The following CYBA variants were observed in gnomAD, a reference collection of about 807,000 sequenced individuals.
CYBA encodes the protein cytochrome b-245 light chain.
CYBA carries 21 observed loss-of-function variants against 20.8 expected under a neutral mutation model. The observed-to-expected ratio is 1.01, with a 90% CI of 0.72 to 1.46. The LOEUF (loss-of-function observed/expected upper bound fraction) is 1.46. CYBA is among the 40% of genes most tolerant of loss of function. CYBA has a pLI of 0.00. For synonymous variants in CYBA, 164 were observed against 127.5 expected, an observed-to-expected ratio of 1.29 and a Z score of -1.93; for missense variants, 344 against 287.0, an observed-to-expected ratio of 1.20 and a Z score of -1.43.
intron 1 of CYBA, chr16:88,650,607 CG>C: frequency 3.9e-6 from 2 of 516,014 alleles, no homozygotes; most frequent in Admixed American, 2.6e-5. Context: ...AGCCCCCACT[CG>C]GGGGCTTCGG....
At position 88,643,737 on chromosome 16, in the gene CYBA, C is replaced by T. The variant is rs548076989; in HGVS notation, c.370-166G>A. On this transcript the variant is annotated intron_variant, in intron 5 of 5. Transcript: ENST00000261623. The surrounding 1 kb of genome is among the most constrained non-coding windows in gnomAD (Gnocchi z 4.3). The stretch of plus-strand genomic sequence containing the variant: ...AGAGGTTAAGTGACGCGCCCGAGGC[C>T]ACACAGCCAGGACCTGGGTCGGCCT... Among the ~76,000 whole-genome samples the T allele has an allele frequency of 6.0e-4, 91 of 152,338 alleles. No individual in the cohort carries two copies. The highest frequency in any genetic ancestry group is 2.0e-3 in the African/African-American group (84 of 41,574).
intron 2 of CYBA, chr16:88,647,594 G>T: frequency 2.7e-6 from 1 of 364,010 alleles, no homozygotes; most frequent in Non-Finnish European, 5.3e-6. Context: ...AGCCACGGGA[G>T]GTTCCAACAG....
intron 1 of CYBA, chr16:88,650,555 G>A: frequency 2.0e-6 from 1 of 492,452 alleles, no homozygotes; most frequent in Non-Finnish European, 4.0e-6. Flanking sequence ...AGGCCAGCTG[G>A]CTACCGAGGG....
At chr16:88,646,446 C>A (rs892885182) in intron 4 of CYBA, 7 of 691,528 alleles carry the variant, frequency 1.0e-5, no homozygotes, top group Non-Finnish European at 1.6e-5. Flanking sequence ...CGGCAGTAAC[C>A]AGCAGACACA....
intron 1 of CYBA, 30 bp downstream of exon 1, chr16:88,650,926 C>T: frequency 6.4e-7 from 1 of 1,573,988 alleles, no homozygotes; most frequent in Non-Finnish European, 8.6e-7. Flanking sequence ...CTCCAGGCTG[C>T]AGCCTCCACC....
Position 88,647,786 on chromosome 16 carries a change from G to A in CYBA, c.128+259C>T, listed in dbSNP as rs1049711382. 14 of 576,820 alleles carry A rather than the reference G, an allele frequency of 2.4e-5. No individual in the cohort carries two copies. The East Asian group carries it at 3.8e-4, about 16-fold the overall frequency. 35.7% of individuals were successfully genotyped at this position (576,820 alleles called of 1,614,324 possible). ...AGCAGTCCAACAGGGAGGCCTCAGT[G>A]CTGGCCCTGGCCCTCTGGTGACACC... On this transcript the variant is annotated intron_variant, in intron 2 of 5. Transcript: ENST00000261623.
Position 88,646,808 on chromosome 16 carries a change from C to T in CYBA, c.234G>A (p.Lys78=). 1 of 1,613,998 alleles carries T rather than the reference C, an allele frequency of 6.2e-7. No homozygotes were observed. Among genetic ancestry groups the T allele is most frequent in the Non-Finnish European group, 8.5e-7 (1 of 1,179,980 alleles). The change falls in exon 4 of 6, where the codon AAG becomes AAA. Residue 78 remains lysine (K), a synonymous_variant. Coordinates refer to ENST00000261623, the MANE Select transcript of CYBA (RefSeq NM_000101.4). ...WGQKYMTAVV[K]LFGPFTRNYY... ...AATTCCTGGTAAAGGGCCCGAACAG[C>T]TTCACCACGGCGGTCATGTACTTCT...
At chr16:88,650,808 G>A (rs1263216358) in intron 1 of CYBA, 148 bp downstream of exon 1, 2 of 808,534 alleles carry the variant, frequency 2.5e-6, no homozygotes, top group South Asian at 1.5e-5. Flanking sequence ...TCCCGCCCCC[G>A]TTCCCCGCAC....
intron 1 of CYBA, among the ~76,000 whole-genome samples, chr16:88,649,643 T>C (rs1228307628): frequency 1.3e-5 from 2 of 152,180 alleles, no homozygotes; most frequent in African/African-American, 4.8e-5. Context: ...GCCATGAGGC[T>C]CTGCAGAAGC....
chr16:88,649,386 C>G (rs1907422640), intron 1 of CYBA, among the ~76,000 whole-genome samples: 1 of 152,132 alleles, frequency 6.6e-6, no homozygotes. Context: ...ATTGTCCATG[C>G]ATCTTTGGGG....
chr16:88,649,983 AGGC>A (rs2142881119), intron 1 of CYBA, among the ~76,000 whole-genome samples: 1 of 152,296 alleles, frequency 6.6e-6, no homozygotes, highest in East Asian at 1.9e-4. Flanking sequence ...GACTCGAAGC[AGGC>A]GGTCACTTTC....
chr16:88,645,091 A>T, intron 5 of CYBA: 1 of 685,916 alleles, frequency 1.5e-6, no homozygotes, highest in South Asian at 1.5e-5. Context: ...TGAACGGTGC[A>T]GAGGCTGATG....
chr16:88,645,512 C>T lies in CYBA; in HGVS notation c.369+604G>A, dbSNP rs530469252. On this transcript the variant is annotated intron_variant, in intron 5 of 5. Coordinates refer to ENST00000261623, the MANE Select transcript of CYBA (RefSeq NM_000101.4). ...CCCGCAGTGAGAGGTGGCCTGCAGC[C>T]GTCTGTTCCGGAGCCCAGGGCAGGC... 4 of 677,702 alleles carry T rather than the reference C, an allele frequency of 5.9e-6. No homozygotes were observed. The Admixed American group carries it at 6.2e-5, about 10-fold the overall frequency. The allele number at this position is 677,702 out of a possible 1,614,324, so 42.0% of individuals were successfully genotyped here. A position where few individuals can be genotyped will look rare whatever the true frequency, so the allele number is the denominator to read the frequency against.
chr16:88,646,086 C>A (rs1436701817), intron 5 of CYBA, 30 bp downstream of exon 5: 1 of 1,535,296 alleles, frequency 6.5e-7, no homozygotes, highest in East Asian at 2.4e-5. Context: ...ATGGGGGTGG[C>A]CGGGGCCGAC....
At position 88,648,203 on chromosome 16, in the gene CYBA, C is replaced by G. The variant is rs537563434; in HGVS notation, c.59-89G>C. ...TCTCTACCTACTGTGGGCCACCAGG[C>G]CACCCAGAGCTGCCCCCTACCCATC... On this transcript the variant is annotated intron_variant, in intron 1 of 5. Coordinates refer to ENST00000261623, the MANE Select transcript of CYBA (RefSeq NM_000101.4). The G allele has an allele frequency of 4.0e-6, 5 of 1,257,170 alleles. No homozygotes were observed. The East Asian group carries it at 1.2e-4, about 31-fold the overall frequency. The allele number at this position is 1,257,170 out of a possible 1,614,324, so 77.9% of individuals were successfully genotyped here. A position where few individuals can be genotyped will look rare whatever the true frequency, so the allele number is the denominator to read the frequency against.
At chr16:88,645,370 C>G (rs1467938175) in intron 5 of CYBA, 1 of 702,340 alleles carries the variant, frequency 1.4e-6, no homozygotes, top group East Asian at 2.7e-5. Context: ...CACGCACACA[C>G]ACTAGAAGAC....
Position 88,650,872 on chromosome 16 carries a change from C to A in CYBA, c.58+84G>T. ...GCCCGCCTGGCGCCCCACTTCCCCACCCTGTAAGTAGCCCGAGGTCCCGGC... is the reference window on the plus strand; with the variant it reads ...GCCCGCCTGGCGCCCCACTTCCCCAACCTGTAAGTAGCCCGAGGTCCCGGC... On this transcript the variant is annotated intron_variant, in intron 1 of 5. Coordinates refer to ENST00000261623, the MANE Select transcript of CYBA (RefSeq NM_000101.4). 2 of 1,436,938 alleles carry A rather than the reference C, an allele frequency of 1.4e-6. No homozygotes were observed. Among genetic ancestry groups the A allele is most frequent in the Non-Finnish European group, 9.6e-7 (1 of 1,046,438 alleles). 89.0% of individuals were successfully genotyped at this position (1,436,938 alleles called of 1,614,324 possible). A position where few individuals can be genotyped will look rare whatever the true frequency, so the allele number is the denominator to read the frequency against.
At chr16:88,650,126 A>G (rs3812948) in intron 1 of CYBA, 213,199 of 321,588 alleles carry the variant, frequency 0.66, 73,612 homozygotes, top group Non-Finnish European at 0.75. Context: ...GAGTGGTGGC[A>G]GCGGGCCCCT....
At position 88,645,442 on chromosome 16, in the gene CYBA, G is replaced by T. The variant is rs1177103492; in HGVS notation, c.369+674C>A. 60 of 701,218 alleles carry T rather than the reference G, an allele frequency of 8.6e-5. 1 individual carries two copies. The Middle Eastern group carries it at 1.4e-3, about 16-fold the overall frequency. 43.4% of individuals were successfully genotyped at this position (701,218 alleles called of 1,614,324 possible). On this transcript the variant is annotated intron_variant, in intron 5 of 5. Coordinates refer to ENST00000261623, the MANE Select transcript of CYBA (RefSeq NM_000101.4). The stretch of plus-strand genomic sequence containing the variant: ...GAGGGACTTGGCTCTATGGACAAAA[G>T]GATTTAAATAAGCAAAGTCTGAGGG...
Sources: allele counts gnomAD v4.1 joint callset (sites outside exome capture counted in the v4.1 genomes callset), GRCh38; gene constraint gnomAD v4.1.1; non-coding constraint Gnocchi (gnomAD v3.1); transcripts MANE v1.5; gene names NCBI Gene and HGNC (gene_info 2026-07-23, HGNC 2026-07-21).